UBE2W: variants seen among roughly 807,000 people sequenced by gnomAD.
The protein encoded by UBE2W is ubiquitin-conjugating enzyme E2 W.
Under a neutral mutation model 27.2 loss-of-function variants are expected in UBE2W, and 18 were observed. The observed-to-expected ratio is 0.66, with a 90% CI of 0.46 to 0.98. The LOEUF is 0.98. Ranked by LOEUF, UBE2W falls within the 50% of genes least tolerant of loss-of-function variation. UBE2W has a pLI of 0.00. For missense variants in UBE2W, 90 were observed against 180.2 expected, an observed-to-expected ratio of 0.50 and a Z score of 2.87; for synonymous variants, 53 against 57.2, an observed-to-expected ratio of 0.93 and a Z score of 0.33.
chr8:73,852,071 GAA>G (rs60778522), intron 1 of UBE2W, among the ~76,000 whole-genome samples: 4,683 of 151,318 alleles, frequency 0.031, 224 homozygotes, highest in African/African-American at 0.1. Flanking sequence ...GAGGGGAGAG[GAA>G]AGAGGAGCAA....
intron 1 of UBE2W, among the ~76,000 whole-genome samples, chr8:73,830,891 T>C (rs997953354): frequency 9.9e-5 from 15 of 152,230 alleles, no homozygotes; most frequent in African/African-American, 3.4e-4. Context: ...CCTTTCTCTT[T>C]ACTAGCCCCT....
chr8:73,797,261 T>C (rs1808460505), intron 5 of UBE2W, among the ~76,000 whole-genome samples: 1 of 151,798 alleles, frequency 6.6e-6, no homozygotes, highest in Non-Finnish European at 1.5e-5. Context: ...TGGAAACCCA[T>C]CTCCTTGGAT....
intron 1 of UBE2W, among the ~76,000 whole-genome samples, chr8:73,864,909 T>G (rs910607436): frequency 1.3e-5 from 2 of 152,004 alleles, no homozygotes; most frequent in African/African-American, 4.8e-5. Context: ...GCCTCTTATT[T>G]ACTATATATT....
intron 5 of UBE2W, among the ~76,000 whole-genome samples, chr8:73,798,533 T>A (rs988042241): frequency 6.6e-6 from 1 of 152,142 alleles, no homozygotes; most frequent in Admixed American, 6.5e-5. Flanking sequence ...TCTAACACTT[T>A]AAGGAGAATG....
chr8:73,839,167 T>A (rs138342714), intron 1 of UBE2W, among the ~76,000 whole-genome samples: 44 of 152,280 alleles, frequency 2.9e-4, no homozygotes, highest in African/African-American at 9.9e-4. Flanking sequence ...CATATTTACA[T>A]ATTAGTTTAA....
intron 4 of UBE2W, among the ~76,000 whole-genome samples, chr8:73,809,002 A>C (rs1258065089): frequency 6.6e-6 from 1 of 152,186 alleles, no homozygotes; most frequent in African/African-American, 2.4e-5. Context: ...TTAATCTCTT[A>C]ATAACTTTCT....
chr8:73,847,367 G>T (rs933330093), intron 1 of UBE2W, among the ~76,000 whole-genome samples: 1 of 152,170 alleles, frequency 6.6e-6, no homozygotes. Context: ...GTATGTACGG[G>T]AACTGAAGTT....
chr8:73,874,386 C>T (rs1466987129), intron 1 of UBE2W, among the ~76,000 whole-genome samples: 3 of 152,060 alleles, frequency 2.0e-5, no homozygotes, highest in Non-Finnish European at 2.9e-5. Flanking sequence ...GAGCCGAGAT[C>T]GCACCACTGC....
chr8:73,785,716 C>T (rs1485898990), downstream of UBE2W, among the ~76,000 whole-genome samples: 2 of 152,130 alleles, frequency 1.3e-5, no homozygotes, highest in Admixed American at 1.3e-4. Flanking sequence ...CTCAGCCTCC[C>T]AAGTAGCCGG....
chr8:73,781,999 G>T (rs1289971908), downstream of UBE2W, among the ~76,000 whole-genome samples: 8 of 142,072 alleles, frequency 5.6e-5, no homozygotes, highest in Non-Finnish European at 1.2e-4. Context: ...GGAGTGCAGT[G>T]GCATGATCTT....
intron 3 of UBE2W, among the ~76,000 whole-genome samples, chr8:73,813,320 A>G (rs1340431119): frequency 1.3e-5 from 2 of 152,206 alleles, no homozygotes; most frequent in East Asian, 3.9e-4. Context: ...AGGAGAGAAG[A>G]GAAAGAAAAG....
At chr8:73,806,423 G>A (rs1179737555) in intron 4 of UBE2W, among the ~76,000 whole-genome samples, 1 of 151,350 alleles carries the variant, frequency 6.6e-6, no homozygotes, top group Non-Finnish European at 1.5e-5. Context: ...CAAAGGGCCA[G>A]GCGCGGTGGC....
intron 1 of UBE2W, among the ~76,000 whole-genome samples, chr8:73,862,489 G>A (rs1291372820): frequency 2.6e-5 from 4 of 151,790 alleles, no homozygotes; most frequent in Non-Finnish European, 5.9e-5. Context: ...AGAAAACCTA[G>A]GCATTACCAT....
At position 73,789,307 on chromosome 8, in the gene UBE2W, TAAAAAAAAAAAAAAAAA is replaced by T. The variant is rs10652083; in HGVS notation, c.*4778_*4794del. The T allele has an allele frequency of 6.0e-4, 24 of 40,058 alleles. No individual in the cohort carries two copies. The highest frequency in any genetic ancestry group is 1.2e-3 in the East Asian group (1 of 866). 2.5% of individuals were successfully genotyped at this position (40,058 alleles called of 1,614,324 possible). A position where few individuals can be genotyped will look rare whatever the true frequency, so the allele number is the denominator to read the frequency against. On this transcript the variant is annotated 3_prime_UTR_variant, in exon 6 of 6. Transcript: ENST00000602593. The stretch of plus-strand genomic sequence containing the variant: ...GCAACATGGTGAGACCTCGTGTCTT[TAAAAAAAAAAAAAAAAA>T]AAAAAAAAAAAAAAAAAATTCTATC...
At chr8:73,860,820 T>A (rs1237073332) in intron 1 of UBE2W, among the ~76,000 whole-genome samples, 1 of 152,060 alleles carries the variant, frequency 6.6e-6, no homozygotes, top group African/African-American at 2.4e-5. Flanking sequence ...CAGGGAGCTA[T>A]CAAAACAGCC....
At position 73,786,229 on chromosome 8, in the gene UBE2W, T is replaced by C; in HGVS notation, c.*7873A>G. 3 of 985,378 alleles carry C rather than the reference T, an allele frequency of 3.0e-6. No homozygotes were observed. Among genetic ancestry groups the C allele is most frequent in the Non-Finnish European group, 3.6e-6 (3 of 829,914 alleles). The allele number at this position is 985,378 out of a possible 1,614,324, so 61.0% of individuals were successfully genotyped here. On this transcript the variant is annotated 3_prime_UTR_variant, in exon 6 of 6. Transcript: ENST00000602593. Reference sequence around the variant, plus strand: ...AAAAGCCAAAACCAATGAAGAATGATTAATGATTTATTTAAAAGTAGTTTT... The same window carrying C: ...AAAAGCCAAAACCAATGAAGAATGACTAATGATTTATTTAAAAGTAGTTTT...
intron 1 of UBE2W, among the ~76,000 whole-genome samples, chr8:73,864,131 C>T (rs150782843): frequency 4.6e-5 from 7 of 152,006 alleles, no homozygotes; most frequent in African/African-American, 9.6e-5. Context: ...GAGTGGCTCA[C>T]GCCTGTAATC....
chr8:73,837,688 C>T (rs1029938135), intron 1 of UBE2W, among the ~76,000 whole-genome samples: 4 of 152,218 alleles, frequency 2.6e-5, no homozygotes. Flanking sequence ...GATCCTCCCA[C>T]CCCAGCCTCC....
At chr8:73,795,914 T>C (rs535121676) in intron 5 of UBE2W, 1 of 274,352 alleles carries the variant, frequency 3.6e-6, no homozygotes, top group South Asian at 1.4e-4. Flanking sequence ...AAATGTTGCC[T>C]CTACAAAAAA....
Sources: allele counts gnomAD v4.1 joint callset (sites outside exome capture counted in the v4.1 genomes callset), GRCh38; gene constraint gnomAD v4.1.1; transcripts MANE v1.5; gene names NCBI Gene and HGNC (gene_info 2026-07-23, HGNC 2026-07-21).